Variants in ERC2 observed in about 807,000 individuals in gnomAD.
ERC2 encodes ELKS/RAB6-interacting/CAST family member 2, also known as ERC protein 2.
A neutral mutation model predicts 114.8 loss-of-function variants in ERC2; 42 were observed. The ratio of observed to expected loss-of-function variants is 0.37; its 90% CI spans 0.29 to 0.47. ERC2 has a LOEUF of 0.47. Among genes scored for constraint, ERC2 ranks in the 20% least tolerant of loss-of-function variants. The pLI is 0.99. For missense variants in ERC2, 939 were observed against 1,150.7 expected (o/e 0.82, Z 2.66); for synonymous variants, 454 against 425.5 (o/e 1.07, Z -0.82).
At chr3:56,024,467 C>G (rs74960581) in intron 7 of ERC2, among the ~76,000 whole-genome samples, 2,322 of 152,296 alleles carry the variant, frequency 0.015, 17 homozygotes, top group African/African-American at 0.032. Context: ...CACCACTAGC[C>G]CTGCAGTCAT....
At chr3:55,811,617 C>G (rs573175124) in intron 14 of ERC2, among the ~76,000 whole-genome samples, 1 of 152,278 alleles carries the variant, frequency 6.6e-6, no homozygotes, top group African/African-American at 2.4e-5. Context: ...CTATGTGGTT[C>G]CCACTGCCAG....
At chr3:55,707,113 G>A (rs815425) in intron 15 of ERC2, among the ~76,000 whole-genome samples, 81,172 of 152,002 alleles carry the variant, frequency 0.53, 22,769 homozygotes, top group South Asian at 0.73. Context: ...TCCTGCTAAA[G>A]TCAGGGGAGG....
At chr3:56,346,271 G>A (rs2058303798) in intron 2 of ERC2, among the ~76,000 whole-genome samples, 1 of 152,136 alleles carries the variant, frequency 6.6e-6, no homozygotes, top group South Asian at 2.1e-4. Flanking sequence ...CCATGGCTGT[G>A]TCACATTTTT....
chr3:55,771,752 G>A (rs879916366), intron 14 of ERC2, among the ~76,000 whole-genome samples: 9 of 152,182 alleles, frequency 5.9e-5, no homozygotes, highest in Non-Finnish European at 1.3e-4. Context: ...CACACCTGAT[G>A]AGACTGTGCC....
rs10576433 is a variant in ERC2, at chr3:56,307,828, G to GCA, written c.658-11395_658-11394dup. Among the ~76,000 whole-genome samples, 945 of 147,634 alleles carry GCA rather than the reference G, an allele frequency of 6.4e-3. 13 individuals carry two copies. The highest frequency in any genetic ancestry group is 0.022 in the African/African-American group (879 of 39,806). The stretch of plus-strand genomic sequence containing the variant: ...TCATGTATTCACTATACACACACTT[G>GCA]CACACACACACACACACACACACAC... On this transcript the variant is annotated intron_variant, in intron 2 of 17. Coordinates refer to ENST00000288221, the MANE Select transcript of ERC2 (RefSeq NM_015576.3).
intron 6 of ERC2, among the ~76,000 whole-genome samples, chr3:56,114,796 T>C (rs1167491929): frequency 6.6e-6 from 1 of 152,098 alleles, no homozygotes. Context: ...CATTCCCGGG[T>C]GTAGAGTAAA....
chr3:56,265,958 G>A (rs558525810), intron 3 of ERC2, among the ~76,000 whole-genome samples: 82 of 151,210 alleles, frequency 5.4e-4, no homozygotes, highest in African/African-American at 1.8e-3. Context: ...GAACCTGGGC[G>A]GTGGAGGTTG....
chr3:56,281,869 C>T (rs2054372031), intron 3 of ERC2, among the ~76,000 whole-genome samples: 1 of 152,086 alleles, frequency 6.6e-6, no homozygotes, highest in Non-Finnish European at 1.5e-5. Context: ...ACATCAGTAC[C>T]CCAATAAGTG....
chr3:56,159,169 A>T (rs1288212144), intron 4 of ERC2, among the ~76,000 whole-genome samples: 1 of 152,096 alleles, frequency 6.6e-6, no homozygotes, highest in Non-Finnish European at 1.5e-5. Context: ...CATAATTGTA[A>T]GTTTCCTGAG....
chr3:55,522,427 T>C (rs761892226), intron 17 of ERC2, among the ~76,000 whole-genome samples: 1 of 146,672 alleles, frequency 6.8e-6, no homozygotes, highest in Non-Finnish European at 1.5e-5. Context: ...GGATTTTATA[T>C]TGTCTTCAAT....
chr3:55,972,894 T>C (rs1052254223), intron 12 of ERC2, among the ~76,000 whole-genome samples: 5 of 152,084 alleles, frequency 3.3e-5, no homozygotes, highest in African/African-American at 1.2e-4. Context: ...TGCTCCAATA[T>C]AGAGAGATGG....
intron 16 of ERC2, among the ~76,000 whole-genome samples, chr3:55,690,025 G>A (rs754884213): frequency 1.3e-5 from 2 of 152,114 alleles, no homozygotes; most frequent in Non-Finnish European, 2.9e-5. Flanking sequence ...TAAAGCTGAA[G>A]GCAAAATGGT....
At chr3:56,028,815 G>A (rs968367824) in intron 7 of ERC2, among the ~76,000 whole-genome samples, 16 of 151,992 alleles carry the variant, frequency 1.1e-4, no homozygotes, top group African/African-American at 3.9e-4. Flanking sequence ...CCTTATTGCA[G>A]TGGCTAGGGC....
chr3:55,860,652 A>G (rs2149261344), intron 14 of ERC2, among the ~76,000 whole-genome samples: 1 of 152,256 alleles, frequency 6.6e-6, no homozygotes, highest in South Asian at 2.1e-4. Context: ...AGCCTGCTTA[A>G]AAAGCTCGAA....
intron 14 of ERC2, among the ~76,000 whole-genome samples, chr3:55,790,335 G>A (rs774926820): frequency 5.3e-5 from 8 of 152,196 alleles, no homozygotes; most frequent in African/African-American, 9.6e-5. Flanking sequence ...GCGCTTCCCC[G>A]AGGGCCCCTC....
intron 16 of ERC2, among the ~76,000 whole-genome samples, chr3:55,696,245 G>T (rs528102000): frequency 1.3e-5 from 2 of 152,312 alleles, no homozygotes; most frequent in African/African-American, 2.4e-5. Context: ...CAAGGCAAAT[G>T]ATTTTTCATA....
In ERC2 at chr3:55,949,375, GA is replaced by G. The variant is rs980029191; in HGVS notation, c.2403+1049del. On this transcript the variant is annotated intron_variant, in intron 13 of 17. Transcript: ENST00000288221. ...ACAGGGGGAGACTCCATCTCAAAAA[GA>G]AAAAAAAAAGTTTTGGGCCCACCTA... 1.4e-4 allele frequency among the ~76,000 whole-genome samples: 20 copies of G among 143,486 alleles called. No homozygotes were observed. In the South Asian group the frequency reaches 1.6e-3, roughly 11 times the overall value. 94.1% of individuals were successfully genotyped at this position (143,486 alleles called of 152,430 possible).
chr3:56,155,207 C>T (rs774693489), intron 4 of ERC2, among the ~76,000 whole-genome samples: 2 of 152,102 alleles, frequency 1.3e-5, no homozygotes, highest in African/African-American at 2.4e-5. Context: ...AATTGTGTGG[C>T]CCTGCCCAGA....
intron 6 of ERC2, among the ~76,000 whole-genome samples, chr3:56,131,703 C>T (rs573214735): frequency 1.3e-4 from 20 of 151,674 alleles, no homozygotes; most frequent in Non-Finnish European, 1.2e-4. Context: ...GGGTGAGGGG[C>T]GAAAGGGAAA....
Sources: allele counts gnomAD v4.1 joint callset (sites outside exome capture counted in the v4.1 genomes callset), GRCh38; gene constraint gnomAD v4.1.1; transcripts MANE v1.5; gene names NCBI Gene and HGNC (gene_info 2026-07-23, HGNC 2026-07-21).